The following PRRG4 variants were observed in gnomAD, a reference collection of about 807,000 sequenced individuals.
The protein encoded by PRRG4 is transmembrane gamma-carboxyglutamic acid protein 4.
In PRRG4, 12 loss-of-function variants were observed where a neutral mutation model predicts 20.0. The observed-to-expected ratio is 0.60, with a 90% CI of 0.38 to 0.97. PRRG4 has a LOEUF of 0.97. Among genes scored for constraint, PRRG4 ranks in the 50% least tolerant of loss-of-function variants. The pLI is 0.00. For missense variants in PRRG4, 199 were observed against 265.1 expected, an observed-to-expected ratio of 0.75 and a Z score of 1.73; for synonymous variants, 94 against 96.4, an observed-to-expected ratio of 0.98 and a Z score of 0.15.
chr11:32,853,688 C>T lies in PRRG4; in HGVS notation c.*161C>T, dbSNP rs1851205025. 2 of 569,762 alleles carry T rather than the reference C, an allele frequency of 3.5e-6. No homozygotes were observed. Among genetic ancestry groups the T allele is most frequent in the African/African-American group, 1.9e-5 (1 of 53,160 alleles). The allele number at this position is 569,762 out of a possible 1,614,324, so 35.3% of individuals were successfully genotyped here. ...ACTAAAAATTCAAAAATTACCTAGG[C>T]GTCATGGGGCATGCCTGTAGTCCCA... is the stretch of plus-strand genomic sequence containing the variant. On this transcript the variant is annotated 3_prime_UTR_variant, in exon 6 of 6. Transcript: ENST00000257836.
chr11:32,850,265 G>A (rs759086364), intron 5 of PRRG4, among the ~76,000 whole-genome samples: 14 of 152,082 alleles, frequency 9.2e-5, no homozygotes, highest in Admixed American at 2.0e-4. Flanking sequence ...ACTTTTCTGC[G>A]TCACTATGTT....
intron 3 of PRRG4, among the ~76,000 whole-genome samples, chr11:32,838,558 C>A (rs1851045708): frequency 6.6e-6 from 1 of 152,170 alleles, no homozygotes; most frequent in African/African-American, 2.4e-5. Flanking sequence ...CAACTTCTAC[C>A]TTTGGTACTT....
In PRRG4 at chr11:32,853,493, T is replaced by C. The variant is rs148780678; in HGVS notation, c.647T>C (p.Val216Ala). ...PYPGHTKGFR[V>A]FKKSMSLPSH ...CCTGGGCACACAAAAGGATTTAGGG[T>C]ATTTAAAAAATCTATGTCTCTCCCA... Residue 216 changes from valine (V) to alanine (A), a missense_variant, in exon 6 of 6, where the codon GTA (valine) becomes GCA (alanine). Transcript: ENST00000257836. 1.2e-5 allele frequency: 19 copies of C among 1,613,876 alleles called. No individual in the cohort carries two copies. The African/African-American group carries it at 2.5e-4, about 22-fold the overall frequency.
chr11:32,851,516 C>T (rs1851183192), intron 5 of PRRG4, among the ~76,000 whole-genome samples: 1 of 152,116 alleles, frequency 6.6e-6, no homozygotes, highest in Admixed American at 6.6e-5. Flanking sequence ...TATTGAAGGG[C>T]CAATTATCCA....
intron 5 of PRRG4, among the ~76,000 whole-genome samples, chr11:32,849,375 A>T (rs1851160499): frequency 6.6e-6 from 1 of 151,928 alleles, no homozygotes; most frequent in Non-Finnish European, 1.5e-5. Context: ...ATAAAATAAA[A>T]TAAAGTTGGC....
intron 5 of PRRG4, among the ~76,000 whole-genome samples, chr11:32,843,915 C>T (rs368187659): frequency 1.3e-5 from 2 of 152,126 alleles, no homozygotes; most frequent in South Asian, 4.2e-4. Context: ...GCTTATCTAG[C>T]GCAGTAATTT....
At chr11:32,837,840 G>C (rs1851038750) in intron 3 of PRRG4, among the ~76,000 whole-genome samples, 1 of 151,948 alleles carries the variant, frequency 6.6e-6, no homozygotes, top group African/African-American at 2.4e-5. Context: ...TTACAGGCAT[G>C]AGCCACCATG....
intron 5 of PRRG4, among the ~76,000 whole-genome samples, chr11:32,850,483 C>T (rs751897021): frequency 2.6e-5 from 4 of 152,176 alleles, no homozygotes; most frequent in Non-Finnish European, 4.4e-5. Context: ...TGTAATGCTT[C>T]TTGTTCACAG....
chr11:32,841,699 G>A (rs1381727813), intron 5 of PRRG4, among the ~76,000 whole-genome samples: 1 of 151,996 alleles, frequency 6.6e-6, no homozygotes, highest in Admixed American at 6.6e-5. Flanking sequence ...AGTCTCATCT[G>A]CTTGTGGGGC....
rs1851220817 is a variant in PRRG4, at chr11:32,855,306, GT to G, written c.*1782del. 6.6e-6 allele frequency: 1 copy of G among 152,114 alleles called. No homozygotes were observed. The highest frequency in any genetic ancestry group is 2.1e-4 in the South Asian group (1 of 4,828). 9.4% of individuals were successfully genotyped at this position (152,114 alleles called of 1,614,324 possible). The stretch of plus-strand genomic sequence containing the variant: ...TGGGTGGGTATGTAGGTATATGTGA[GT>G]TTGTTTCCTCTTCCAGGAGCTCAAG... On this transcript the variant is annotated 3_prime_UTR_variant, in exon 6 of 6. Transcript: ENST00000257836.
At chr11:32,835,240 C>T (rs1245151873) in intron 2 of PRRG4, among the ~76,000 whole-genome samples, 1 of 152,214 alleles carries the variant, frequency 6.6e-6, no homozygotes, top group Non-Finnish European at 1.5e-5. Flanking sequence ...CAAAATGTGA[C>T]TGTTCTCAAA....
chr11:32,836,599 A>G, intron 2 of PRRG4, 59 bp from the exon 3 acceptor site: 2 of 1,049,222 alleles, frequency 1.9e-6, no homozygotes, highest in South Asian at 4.0e-5. Flanking sequence ...CCACAATTAA[A>G]ACAGGAATTT....
At chr11:32,832,781 C>G (rs1850986151) in intron 2 of PRRG4, among the ~76,000 whole-genome samples, 1 of 152,072 alleles carries the variant, frequency 6.6e-6, no homozygotes, top group Non-Finnish European at 1.5e-5. Flanking sequence ...CCGCGCCTGG[C>G]CCTAAAATCT....
At chr11:32,830,437 C>G (rs1426994190) in intron 1 of PRRG4, 71 bp from the exon 2 acceptor site, 3 of 1,184,908 alleles carry the variant, frequency 2.5e-6, no homozygotes, top group South Asian at 3.9e-5. Context: ...GTTGGTGATT[C>G]AGTTCGACAG....
At chr11:32,834,926 A>G (rs983562023) in intron 2 of PRRG4, among the ~76,000 whole-genome samples, 2 of 152,056 alleles carry the variant, frequency 1.3e-5, no homozygotes, top group African/African-American at 4.8e-5. Flanking sequence ...TGATCCTCCC[A>G]CCTCAGCCTC....
At chr11:32,851,286 A>C (rs561131831) in intron 5 of PRRG4, among the ~76,000 whole-genome samples, 1 of 152,218 alleles carries the variant, frequency 6.6e-6, no homozygotes, top group Non-Finnish European at 1.5e-5. Context: ...CATTGTTTCC[A>C]TACATTAAAT....
intron 3 of PRRG4, among the ~76,000 whole-genome samples, chr11:32,837,229 C>T (rs993734856): frequency 1.3e-5 from 2 of 152,040 alleles, no homozygotes; most frequent in African/African-American, 2.4e-5. Context: ...TTTGTCCTAT[C>T]GGTGACCTTA....
At chr11:32,845,400 C>A (rs1254716080) in intron 5 of PRRG4, among the ~76,000 whole-genome samples, 1 of 151,942 alleles carries the variant, frequency 6.6e-6, no homozygotes, top group Non-Finnish European at 1.5e-5. Context: ...CCGAGACGGG[C>A]GGATCACGAA....
At chr11:32,835,693 G>A (rs1851013686) in intron 2 of PRRG4, among the ~76,000 whole-genome samples, 1 of 152,178 alleles carries the variant, frequency 6.6e-6, no homozygotes. Flanking sequence ...AGGACTAAAT[G>A]TCTTTAGTTA....
Sources: allele counts gnomAD v4.1 joint callset (sites outside exome capture counted in the v4.1 genomes callset), GRCh38; gene constraint gnomAD v4.1.1; transcripts MANE v1.5; gene names NCBI Gene and HGNC (gene_info 2026-07-23, HGNC 2026-07-21).